Variants in FHIT observed in about 807,000 individuals in gnomAD.
FHIT encodes fragile histidine triad diadenosine triphosphatase, also known as bis(5'-adenosyl)-triphosphatase.
In FHIT, 19 loss-of-function variants were observed where a neutral mutation model predicts 17.9. The observed-to-expected ratio is 1.06, with a 90% CI of 0.74 to 1.56. The LOEUF (loss-of-function observed/expected upper bound fraction) is 1.56. Ranked by LOEUF, FHIT falls within the 40% of genes most tolerant of loss-of-function variation. The pLI is 0.00. For synonymous variants in FHIT, 81 were observed against 69.7 expected, an observed-to-expected ratio of 1.16 and a Z score of -0.81; for missense variants, 248 against 189.2, an observed-to-expected ratio of 1.31 and a Z score of -1.82.
At chr3:59,919,712 G>A (rs567129268) in intron 8 of FHIT, among the ~76,000 whole-genome samples, 28 of 152,296 alleles carry the variant, frequency 1.8e-4, no homozygotes, top group African/African-American at 6.5e-4. Flanking sequence ...TCAGTCTCCT[G>A]CTGTTCCTGT....
chr3:61,087,597 G>A (rs2035345131), intron 2 of FHIT, among the ~76,000 whole-genome samples: 1 of 152,168 alleles, frequency 6.6e-6, no homozygotes, highest in African/African-American at 2.4e-5. Context: ...CTATTGTGAT[G>A]ACTGACAATG....
intron 5 of FHIT, among the ~76,000 whole-genome samples, chr3:60,525,279 A>G (rs202109521): frequency 6.6e-6 from 1 of 152,222 alleles, no homozygotes. Context: ...ATCTTCAGAA[A>G]ATATTTAATA....
At chr3:60,398,805 A>C (rs1035438610) in intron 5 of FHIT, among the ~76,000 whole-genome samples, 29 of 152,136 alleles carry the variant, frequency 1.9e-4, no homozygotes, top group African/African-American at 6.3e-4. Flanking sequence ...TAATATATAT[A>C]CCACATAGGT....
intron 1 of FHIT, among the ~76,000 whole-genome samples, chr3:61,232,228 A>C (rs1019470402): frequency 3.9e-5 from 6 of 152,058 alleles, no homozygotes; most frequent in Non-Finnish European, 7.4e-5. Flanking sequence ...TACAAAAAAA[A>C]ATACAAAAAT....
chr3:61,126,511 TA>T (rs2036612516), intron 2 of FHIT, among the ~76,000 whole-genome samples: 1 of 151,978 alleles, frequency 6.6e-6, no homozygotes, highest in Admixed American at 6.6e-5. Flanking sequence ...AAAACTGCCT[TA>T]TAAAACCATC....
At chr3:61,201,893 C>T (rs1283399503) in intron 1 of FHIT, among the ~76,000 whole-genome samples, 1 of 152,054 alleles carries the variant, frequency 6.6e-6, no homozygotes, top group Admixed American at 6.6e-5. Context: ...CCACTTCAAA[C>T]ACAGAAATGC....
chr3:60,132,047 T>A (rs1699617164), intron 5 of FHIT, among the ~76,000 whole-genome samples: 1 of 152,164 alleles, frequency 6.6e-6, no homozygotes, highest in Non-Finnish European at 1.5e-5. Context: ...GCTCCTTGAT[T>A]TGGAGTGCTC....
chr3:60,148,990 C>A (rs545132443), intron 5 of FHIT, among the ~76,000 whole-genome samples: 1 of 152,148 alleles, frequency 6.6e-6, no homozygotes, highest in Non-Finnish European at 1.5e-5. Flanking sequence ...CTCCTTCCAC[C>A]ATCAAGAGGA....
chr3:60,822,266 A>G (rs1701956244), intron 3 of FHIT, among the ~76,000 whole-genome samples: 1 of 152,216 alleles, frequency 6.6e-6, no homozygotes, highest in Non-Finnish European at 1.5e-5. Context: ...TGCCTTAATT[A>G]TTCATTTCTG....
chr3:60,807,394 G>A (rs1553734616), intron 4 of FHIT, among the ~76,000 whole-genome samples: 1 of 150,618 alleles, frequency 6.6e-6, no homozygotes, highest in Non-Finnish European at 1.5e-5. Context: ...GCAACATAGG[G>A]ACACCCTGTC....
At chr3:60,027,146 CACAA>C (rs1700784502) in intron 5 of FHIT, among the ~76,000 whole-genome samples, 1 of 122,894 alleles carries the variant, frequency 8.1e-6, no homozygotes, top group South Asian at 2.9e-4. Flanking sequence ...CACACACACA[CACAA>C]AATTAGTAAA....
In FHIT at chr3:61,219,092, C is replaced by G. The variant is rs193000475; in HGVS notation, c.-212-18427G>C. Among the ~76,000 whole-genome samples the G allele has an allele frequency of 3.1e-4, 47 of 152,266 alleles. No homozygotes were observed. In the Middle Eastern group the frequency reaches 0.01, roughly 33 times the overall value. ...GGTTACAGACCTGTAAAGCATGTTA[C>G]TGTCCTAAATGCTGTAAGTAATTAT... On this transcript the variant is annotated intron_variant, in intron 1 of 9. Coordinates refer to ENST00000492590, the MANE Select transcript of FHIT (RefSeq NM_002012.4).
At chr3:60,831,112 G>C (rs533704773) in intron 3 of FHIT, among the ~76,000 whole-genome samples, 1 of 152,184 alleles carries the variant, frequency 6.6e-6, no homozygotes, top group African/African-American at 2.4e-5. Context: ...AAACAGAAAA[G>C]AAAATATTAT....
chr3:60,749,116 T>A (rs1484189071), intron 4 of FHIT, among the ~76,000 whole-genome samples: 3 of 152,160 alleles, frequency 2.0e-5, no homozygotes, highest in Non-Finnish European at 2.9e-5. Context: ...AAGTTTGTAA[T>A]AATGTTTGTT....
chr3:60,394,909 G>C (rs928032951), intron 5 of FHIT, among the ~76,000 whole-genome samples: 2 of 152,186 alleles, frequency 1.3e-5, no homozygotes, highest in African/African-American at 4.8e-5. Context: ...CAAAGAAGTT[G>C]TGAAGGAAGA....
At chr3:59,957,941 C>T (rs904161852) in intron 7 of FHIT, among the ~76,000 whole-genome samples, 1 of 152,190 alleles carries the variant, frequency 6.6e-6, no homozygotes, top group Admixed American at 6.5e-5. Flanking sequence ...TCCAAAATAA[C>T]AGCCTCATCG....
intron 5 of FHIT, among the ~76,000 whole-genome samples, chr3:60,137,498 C>G (rs569491164): frequency 2.4e-4 from 37 of 152,282 alleles, no homozygotes; most frequent in African/African-American, 6.7e-4. Flanking sequence ...AATAATATGA[C>G]TAGGTAGCTA....
At chr3:60,315,377 C>T (rs1247247967) in intron 5 of FHIT, among the ~76,000 whole-genome samples, 1 of 152,142 alleles carries the variant, frequency 6.6e-6, no homozygotes, top group African/African-American at 2.4e-5. Context: ...GTAACCACCA[C>T]CTAGGTCATA....
chr3:60,127,934 A>T (rs1423721574), intron 5 of FHIT, among the ~76,000 whole-genome samples: 1 of 152,172 alleles, frequency 6.6e-6, no homozygotes, highest in African/African-American at 2.4e-5. Flanking sequence ...TGCAGCCTGC[A>T]AGTACATTTT....
Sources: allele counts gnomAD v4.1 joint callset (sites outside exome capture counted in the v4.1 genomes callset), GRCh38; gene constraint gnomAD v4.1.1; transcripts MANE v1.5; gene names NCBI Gene and HGNC (gene_info 2026-07-23, HGNC 2026-07-21).